CSMD1: variants seen among roughly 807,000 people sequenced by gnomAD.
CSMD1 encodes CUB and Sushi multiple domains 1.
In CSMD1, 213 loss-of-function variants were observed where a neutral mutation model predicts 417.5. The ratio of observed to expected loss-of-function variants is 0.51; its 90% CI spans 0.46 to 0.57. The LOEUF (loss-of-function observed/expected upper bound fraction) is 0.57, where lower values mean the gene tolerates loss of function less well. CSMD1 is among the 20% of genes least tolerant of loss of function. The probability of loss-of-function intolerance (pLI) is 0.00; values close to 1 mark genes in which losing one functional copy is unlikely to be tolerated. For synonymous variants in CSMD1, 2,862 were observed against 1,736.8 expected (o/e 1.65, Z -16.11); for missense variants, 6,923 against 4,529.7 (o/e 1.53, Z -15.17).
intron 1 of CSMD1, among the ~76,000 whole-genome samples, chr8:4,843,078 T>C (rs1164202335): frequency 6.6e-6 from 1 of 152,158 alleles, no homozygotes; most frequent in Non-Finnish European, 1.5e-5. Context: ...TAAAGCTAAA[T>C]ATAACCAGAC....
intron 1 of CSMD1, among the ~76,000 whole-genome samples, chr8:4,910,896 G>C (rs1006237974): frequency 6.6e-6 from 1 of 152,126 alleles, no homozygotes; most frequent in Non-Finnish European, 1.5e-5. Flanking sequence ...TTGTGAAAGG[G>C]ACCCAGTGGG....
intron 2 of CSMD1, among the ~76,000 whole-genome samples, chr8:4,490,160 C>T (rs1465121596): frequency 6.6e-6 from 1 of 151,648 alleles, no homozygotes; most frequent in East Asian, 1.9e-4. Flanking sequence ...CCTGCTTCAG[C>T]CTCTCAGGTA....
At chr8:4,564,283 A>T (rs572821873) in intron 2 of CSMD1, among the ~76,000 whole-genome samples, 91 of 152,358 alleles carry the variant, frequency 6.0e-4, no homozygotes, top group Non-Finnish European at 1.0e-3. Flanking sequence ...AAATCTGCTC[A>T]AATTTTAATT....
At chr8:3,681,784 T>C (rs1476339119) in intron 7 of CSMD1, among the ~76,000 whole-genome samples, 6 of 152,034 alleles carry the variant, frequency 3.9e-5, no homozygotes, top group African/African-American at 1.2e-4. Context: ...TACCTGACTT[T>C]AAACTATACT....
At chr8:4,469,653 C>T (rs1800408028) in intron 2 of CSMD1, among the ~76,000 whole-genome samples, 1 of 152,096 alleles carries the variant, frequency 6.6e-6, no homozygotes, top group Admixed American at 6.6e-5. Flanking sequence ...TGTCTCCCCA[C>T]CTCGTCTGGA....
At chr8:3,449,607 T>C (rs1013582740) in intron 12 of CSMD1, among the ~76,000 whole-genome samples, 1 of 152,072 alleles carries the variant, frequency 6.6e-6, no homozygotes, top group Non-Finnish European at 1.5e-5. Context: ...AAACTCTGCC[T>C]CTTGGGTTCA....
At chr8:4,772,679 T>C (rs1310264949) in intron 1 of CSMD1, among the ~76,000 whole-genome samples, 1 of 152,132 alleles carries the variant, frequency 6.6e-6, no homozygotes, top group South Asian at 2.1e-4. Flanking sequence ...GCCATAAAAA[T>C]GTATCTGTGA....
chr8:3,186,424 G>C (rs985665363), intron 36 of CSMD1, among the ~76,000 whole-genome samples: 5 of 152,160 alleles, frequency 3.3e-5, no homozygotes, highest in Non-Finnish European at 7.3e-5. Context: ...GACAAACATG[G>C]ATTGTGAATG....
At chr8:3,484,946 G>A (rs895025633) in intron 11 of CSMD1, among the ~76,000 whole-genome samples, 15 of 152,038 alleles carry the variant, frequency 9.9e-5, no homozygotes, top group African/African-American at 3.6e-4. Flanking sequence ...TGAGCATGAG[G>A]ACCACTTAAC....
At chr8:3,530,369 G>T (rs1007835745) in intron 10 of CSMD1, among the ~76,000 whole-genome samples, 1 of 152,070 alleles carries the variant, frequency 6.6e-6, no homozygotes. Flanking sequence ...ATTTTCATTT[G>T]TCTCAAGGAA....
intron 3 of CSMD1, among the ~76,000 whole-genome samples, chr8:4,271,173 T>C (rs1189011762): frequency 6.6e-6 from 1 of 152,154 alleles, no homozygotes; most frequent in Non-Finnish European, 1.5e-5. Context: ...TTGCATTACA[T>C]ATGTTTTCAT....
chr8:4,761,878 T>TCTATCTATCTATCTACCTAC lies in CSMD1; in HGVS notation c.86-124321_86-124320insGTAGGTAGATAGATAGATAG, dbSNP rs1563319105. Among the ~76,000 whole-genome samples, 15 of 108,502 alleles carry TCTATCTATCTATCTACCTAC rather than the reference T, an allele frequency of 1.4e-4. No homozygotes were observed. In the East Asian group the frequency reaches 3.5e-3, roughly 25 times the overall value. The allele number at this position is 108,502 out of a possible 152,430, so 71.2% of individuals were successfully genotyped here. ...ATCTATCTATCTATCTATCTATCTA[T>TCTATCTATCTATCTACCTAC]CTATCTATCTACCTACCTATCTATC... On this transcript the variant is annotated intron_variant, in intron 1 of 69. Transcript: ENST00000635120.
chr8:4,286,606 T>A (rs1445789582), intron 3 of CSMD1, among the ~76,000 whole-genome samples: 1 of 152,056 alleles, frequency 6.6e-6, no homozygotes, highest in Non-Finnish European at 1.5e-5. Flanking sequence ...TCTATTAGGT[T>A]TGGGAACACC....
intron 1 of CSMD1, among the ~76,000 whole-genome samples, chr8:4,935,309 G>C (rs749550315): frequency 5.9e-5 from 9 of 152,172 alleles, no homozygotes; most frequent in Non-Finnish European, 8.8e-5. Context: ...CTCAGGCAGA[G>C]GTCTCATTAG....
chr8:4,378,789 T>C (rs928620603), intron 3 of CSMD1, among the ~76,000 whole-genome samples: 2 of 152,202 alleles, frequency 1.3e-5, no homozygotes, highest in African/African-American at 4.8e-5. Context: ...ATTACTGCCC[T>C]TGTAAGACGT....
At chr8:4,470,468 A>ATGCC (rs1172691599) in intron 2 of CSMD1, among the ~76,000 whole-genome samples, 6 of 152,366 alleles carry the variant, frequency 3.9e-5, no homozygotes, top group African/African-American at 1.4e-4. Flanking sequence ...CATGGTCGGC[A>ATGCC]GCTCAATGCT....
At chr8:3,514,198 C>G (rs1399188210) in intron 10 of CSMD1, among the ~76,000 whole-genome samples, 1 of 152,136 alleles carries the variant, frequency 6.6e-6, no homozygotes, top group South Asian at 2.1e-4. Context: ...TGAAGACATG[C>G]TCTTGTGTAA....
chr8:4,572,960 G>A (rs1798958567), intron 2 of CSMD1, among the ~76,000 whole-genome samples: 1 of 152,114 alleles, frequency 6.6e-6, no homozygotes. Context: ...GTGTTTTTCA[G>A]CTCCATCAGG....
intron 12 of CSMD1, among the ~76,000 whole-genome samples, chr8:3,432,896 C>T (rs2406296): frequency 0.091 from 13,817 of 152,176 alleles, 779 homozygotes; most frequent in Middle Eastern, 0.15. Flanking sequence ...CCTAAACACA[C>T]AGACACACAC....
Sources: allele counts gnomAD v4.1 joint callset (sites outside exome capture counted in the v4.1 genomes callset), GRCh38; gene constraint gnomAD v4.1.1; transcripts MANE v1.5; gene names NCBI Gene and HGNC (gene_info 2026-07-23, HGNC 2026-07-21).